Variants in FSHR observed in about 807,000 individuals in gnomAD.
The protein encoded by FSHR is follicle-stimulating hormone receptor.
FSHR carries 46 observed loss-of-function variants against 52.1 expected under a neutral mutation model. The ratio of observed to expected loss-of-function variants is 0.88; its 90% CI spans 0.70 to 1.13. The LOEUF is 1.13. Ranked by LOEUF, FSHR falls within the 50% of genes most tolerant of loss-of-function variation. The pLI, the probability that FSHR is intolerant of heterozygous loss-of-function variation, is 0.00. For missense variants in FSHR, 964 were observed against 834.6 expected (o/e 1.16, Z -1.91); for synonymous variants, 399 against 309.6 (o/e 1.29, Z -3.03).
intron 1 of FSHR, among the ~76,000 whole-genome samples, chr2:49,153,967 G>C (rs1285351802): frequency 6.6e-6 from 1 of 152,112 alleles, no homozygotes; most frequent in Non-Finnish European, 1.5e-5. Flanking sequence ...TTCCACTAAA[G>C]AGAGTATGAA....
chr2:49,074,043 A>T (rs550553181), intron 1 of FSHR, among the ~76,000 whole-genome samples: 1 of 152,100 alleles, frequency 6.6e-6, no homozygotes, highest in Non-Finnish European at 1.5e-5. Flanking sequence ...TGACCACAAA[A>T]TGACTCAGAG....
intron 1 of FSHR, among the ~76,000 whole-genome samples, chr2:49,139,747 CT>C (rs899442089): frequency 2.0e-5 from 3 of 151,722 alleles, no homozygotes; most frequent in Admixed American, 2.0e-4. Flanking sequence ...ACAGGCACCC[CT>C]GACCATGCCC....
chr2:49,067,674 G>A (rs7568381), intron 2 of FSHR, among the ~76,000 whole-genome samples: 6 of 151,896 alleles, frequency 4.0e-5, no homozygotes, highest in Admixed American at 6.6e-5. Flanking sequence ...TTAGACTAGC[G>A]CAATGTGAAC....
chr2:49,015,140 G>A (rs1216555197), intron 4 of FSHR, among the ~76,000 whole-genome samples: 1 of 152,118 alleles, frequency 6.6e-6, no homozygotes, highest in South Asian at 2.1e-4. Flanking sequence ...GCAAACTGAG[G>A]TTTAGGGAAA....
rs1192473715 is a variant in FSHR, at chr2:48,989,044, C to A, written c.457G>T (p.Asp153Tyr). Residue 153 changes from aspartate (D) to tyrosine (Y), a missense_variant, in exon 6 of 10, where the codon GAT (aspartate) becomes TAT (tyrosine). Physicochemically the swap from Asp to Tyr is radical, Grantham distance 160. Transcript: ENST00000406846. Reference protein sequence around the residue: ...SLQKVLLDIQDNINIHTIERN... With the variant: ...SLQKVLLDIQYNINIHTIERN... ...TCAATTGTGTGGATGTTTATGTTAT[C>A]TTGAATGTCACTAGAAGAAAGTACA... 1 of 1,612,996 alleles carries A rather than the reference C, an allele frequency of 6.2e-7. No individual in the cohort carries two copies. Among genetic ancestry groups the A allele is most frequent in the Non-Finnish European group, 8.5e-7 (1 of 1,179,132 alleles).
chr2:48,981,414 C>T (rs1479625961), intron 8 of FSHR, among the ~76,000 whole-genome samples: 1 of 152,082 alleles, frequency 6.6e-6, no homozygotes, highest in East Asian at 1.9e-4. Flanking sequence ...TTTTATGCTT[C>T]AAATAATATT....
chr2:49,003,775 C>G (rs1426750865), intron 4 of FSHR, among the ~76,000 whole-genome samples: 1 of 150,132 alleles, frequency 6.7e-6, no homozygotes. Flanking sequence ...AAACCTGGTC[C>G]CCCACCCCCA....
intron 1 of FSHR, among the ~76,000 whole-genome samples, chr2:49,085,359 C>A (rs1160345001): frequency 6.6e-6 from 1 of 152,206 alleles, no homozygotes; most frequent in Non-Finnish European, 1.5e-5. Flanking sequence ...ATAATAAGAG[C>A]TATCTATGAC....
intron 1 of FSHR, among the ~76,000 whole-genome samples, chr2:49,131,697 C>A (rs1034717837): frequency 1.3e-5 from 2 of 152,162 alleles, no homozygotes; most frequent in African/African-American, 4.8e-5. Flanking sequence ...AAGCACTGTA[C>A]TTGGCACATT....
chr2:49,070,092 T>C (rs1350956241), intron 1 of FSHR, among the ~76,000 whole-genome samples: 1 of 152,146 alleles, frequency 6.6e-6, no homozygotes, highest in East Asian at 1.9e-4. Flanking sequence ...GCAGTTTATA[T>C]ACTTGCTGGG....
intron 1 of FSHR, among the ~76,000 whole-genome samples, chr2:49,081,665 AT>A (rs1232717739): frequency 6.6e-6 from 1 of 152,206 alleles, no homozygotes; most frequent in Admixed American, 6.5e-5. Flanking sequence ...ACTAAAAAAA[AT>A]TTTTTTGTCA....
At chr2:49,132,968 T>TAAAAAAAAAAAAAAAAAAA (rs34913428) in intron 1 of FSHR, among the ~76,000 whole-genome samples, 6 of 48,650 alleles carry the variant, frequency 1.2e-4, no homozygotes, top group African/African-American at 5.1e-4. Flanking sequence ...TAAAACTCAG[T>TAAAAAAAAAAAAAAAAAAA]AAAAAAAAAA....
chr2:49,086,229 C>G (rs1008147606), intron 1 of FSHR, among the ~76,000 whole-genome samples: 3 of 152,098 alleles, frequency 2.0e-5, no homozygotes, highest in African/African-American at 7.2e-5. Context: ...TTATTTCAGC[C>G]CATACTACAT....
chr2:48,994,283 A>C (rs185029438), intron 4 of FSHR, among the ~76,000 whole-genome samples: 163 of 152,310 alleles, frequency 1.1e-3, no homozygotes, highest in Non-Finnish European at 1.9e-3. Context: ...GAAAGAATGA[A>C]GAATTCATGA....
At chr2:49,073,937 G>A (rs1295121302) in intron 1 of FSHR, among the ~76,000 whole-genome samples, 2 of 152,040 alleles carry the variant, frequency 1.3e-5, no homozygotes, top group Non-Finnish European at 2.9e-5. Flanking sequence ...ACTCACTGGG[G>A]AAAGGACAGT....
intron 4 of FSHR, among the ~76,000 whole-genome samples, chr2:49,013,934 C>T (rs1045605751): frequency 6.6e-6 from 1 of 151,944 alleles, no homozygotes; most frequent in African/African-American, 2.4e-5. Context: ...GACATGGGAT[C>T]TCTCTTTCTC....
Position 48,963,092 on chromosome 2 carries a change from G to A in FSHR, c.1729C>T (p.Leu577Phe). The change falls in exon 10 of 10, where the codon CTC becomes TTC. Residue 577 changes from leucine to phenylalanine, a missense_variant. By Grantham distance (22) the Leu-to-Phe change is conservative (BLOSUM62 0). Coordinates refer to ENST00000406846, the MANE Select transcript of FSHR (RefSeq NM_000145.4). ...DTRIAKRMAMLIFTDFLCMAP... is the reference protein window; with the variant it reads ...DTRIAKRMAMFIFTDFLCMAP... Reference sequence around the variant, plus strand: ...ATGCAGAGGAAGTCAGTGAAGATGAGCATGGCCATGCGCTTGGCGATCCTG... The same window carrying A: ...ATGCAGAGGAAGTCAGTGAAGATGAACATGGCCATGCGCTTGGCGATCCTG... 8 of 1,614,106 alleles carry A rather than the reference G, an allele frequency of 5.0e-6. No individual in the cohort carries two copies. Among genetic ancestry groups the A allele is most frequent in the Non-Finnish European group, 6.8e-6 (8 of 1,180,002 alleles).
chr2:49,138,939 G>C (rs1193462347), intron 1 of FSHR, among the ~76,000 whole-genome samples: 2 of 152,156 alleles, frequency 1.3e-5, no homozygotes, highest in African/African-American at 4.8e-5. Flanking sequence ...CCTTGGGTGT[G>C]TGGGGTATGA....
intron 1 of FSHR, among the ~76,000 whole-genome samples, chr2:49,103,690 A>AG (rs1671115871): frequency 1.3e-5 from 2 of 152,084 alleles, no homozygotes; most frequent in East Asian, 1.9e-4. Flanking sequence ...CAGGAAAGAG[A>AG]GGGGAAAAGT....
Sources: allele counts gnomAD v4.1 joint callset (sites outside exome capture counted in the v4.1 genomes callset), GRCh38; gene constraint gnomAD v4.1.1; transcripts MANE v1.5; gene names NCBI Gene and HGNC (gene_info 2026-07-23, HGNC 2026-07-21).